The following EIPR1 variants were observed in gnomAD, a reference collection of about 807,000 sequenced individuals.
EIPR1 encodes the protein EARP and GARP complex-interacting protein 1.
A neutral mutation model predicts 48.1 loss-of-function variants in EIPR1; 25 were observed. The ratio of observed to expected loss-of-function variants is 0.52; its 90% CI spans 0.38 to 0.73. The LOEUF (loss-of-function observed/expected upper bound fraction) is 0.73. EIPR1 is among the 30% of genes least tolerant of loss of function. EIPR1 has a pLI of 0.00. For synonymous variants in EIPR1, 204 were observed against 201.9 expected (o/e 1.01, Z -0.09); for missense variants, 415 against 506.2 (o/e 0.82, Z 1.73).
chr2:3,234,104 G>A (rs3860484), intron 4 of EIPR1, among the ~76,000 whole-genome samples: 79,489 of 151,966 alleles, frequency 0.52, 21,347 homozygotes, highest in East Asian at 0.74. Context: ...CAGGGCCACA[G>A]AGTGAGGGCG....
intron 3 of EIPR1, among the ~76,000 whole-genome samples, chr2:3,276,422 A>G (rs1238561389): frequency 5.3e-5 from 8 of 152,218 alleles, no homozygotes; most frequent in Non-Finnish European, 1.2e-4. Context: ...TTCTTATAAC[A>G]TGTAAGAGAT....
intron 4 of EIPR1, among the ~76,000 whole-genome samples, chr2:3,240,946 C>A (rs1426244870): frequency 1.8e-5 from 2 of 108,894 alleles, no homozygotes; most frequent in African/African-American, 6.6e-5. Context: ...CTTCCTAAAG[C>A]AAAGCCAGCA....
At chr2:3,335,831 G>A (rs553226473) in intron 3 of EIPR1, among the ~76,000 whole-genome samples, 256 of 152,254 alleles carry the variant, frequency 1.7e-3, no homozygotes, top group African/African-American at 5.6e-3. Flanking sequence ...GTGATTGTGC[G>A]TTTCCTGAGG....
intron 3 of EIPR1, among the ~76,000 whole-genome samples, chr2:3,330,375 G>A (rs1669849424): frequency 6.6e-6 from 1 of 152,146 alleles, no homozygotes; most frequent in Non-Finnish European, 1.5e-5. Context: ...ACACAAAAGG[G>A]GACACAATGG....
At chr2:3,211,726 C>G (rs144369780) in intron 5 of EIPR1, among the ~76,000 whole-genome samples, 11 of 152,238 alleles carry the variant, frequency 7.2e-5, no homozygotes, top group Admixed American at 2.0e-4. Flanking sequence ...AGCTCCTGCT[C>G]TCCTGCGTGA....
chr2:3,294,161 G>A (rs934819408), intron 3 of EIPR1, among the ~76,000 whole-genome samples: 3 of 152,104 alleles, frequency 2.0e-5, no homozygotes, highest in East Asian at 3.8e-4. Flanking sequence ...GAATCCCACA[G>A]GAGGAATAAT....
chr2:3,204,167 G>T (rs1553279456), intron 5 of EIPR1, among the ~76,000 whole-genome samples: 1 of 152,194 alleles, frequency 6.6e-6, no homozygotes, highest in Non-Finnish European at 1.5e-5. Flanking sequence ...GCGGGCTGTG[G>T]CCCCCCTTAC....
intron 3 of EIPR1, among the ~76,000 whole-genome samples, chr2:3,322,926 C>T (rs1041183304): frequency 6.6e-6 from 1 of 152,210 alleles, no homozygotes; most frequent in Non-Finnish European, 1.5e-5. Flanking sequence ...GGTGATCTGG[C>T]TGGGATGCCT....
At chr2:3,288,336 G>A (rs1364609898) in intron 3 of EIPR1, among the ~76,000 whole-genome samples, 1 of 152,200 alleles carries the variant, frequency 6.6e-6, no homozygotes, top group East Asian at 1.9e-4. Flanking sequence ...AGCAGTTTAG[G>A]AAATTGTCAT....
At chr2:3,249,647 T>C (rs568034761) in intron 4 of EIPR1, among the ~76,000 whole-genome samples, 1 of 152,228 alleles carries the variant, frequency 6.6e-6, no homozygotes, top group East Asian at 1.9e-4. Context: ...AACCAAGCAC[T>C]AATAGTCAAG....
chr2:3,347,177 GA>G (rs1670426303), intron 2 of EIPR1, among the ~76,000 whole-genome samples: 1 of 152,144 alleles, frequency 6.6e-6, no homozygotes, highest in African/African-American at 2.4e-5. Context: ...ATGGCCTGCA[GA>G]ACCATGAAAC....
chr2:3,218,344 T>C (rs1257619697), intron 4 of EIPR1, among the ~76,000 whole-genome samples: 6 of 140,818 alleles, frequency 4.3e-5, no homozygotes, highest in South Asian at 2.4e-4. Flanking sequence ...AACACGGCCC[T>C]GATACACTCT....
At chr2:3,247,974 A>G (rs1572352908) in intron 4 of EIPR1, among the ~76,000 whole-genome samples, 3 of 152,140 alleles carry the variant, frequency 2.0e-5, no homozygotes, top group Admixed American at 2.0e-4. Context: ...AGGGAGCGAC[A>G]TAGTCGAGAT....
chr2:3,194,037 G>A lies in EIPR1; in HGVS notation c.783C>T (p.Val261=), dbSNP rs762292099. The A allele has an allele frequency of 3.1e-6, 5 of 1,613,882 alleles. 1 individual carries two copies. In the South Asian group the frequency reaches 4.4e-5, roughly 14 times the overall value. ...CCTCCAGGGTCTTCACGGGTTCGGTGACATTTCGGGTGTCCCAGAACTTCA... is the reference window on the plus strand; with the variant it reads ...CCTCCAGGGTCTTCACGGGTTCGGTAACATTTCGGGTGTCCCAGAACTTCA... ...CKVKFWDTRN[V]TEPVKTLEEH... is the part of the protein sequence containing the mutation. The change falls in exon 7 of 9, where the codon GTC becomes GTT. Residue 261 remains valine (V), a synonymous_variant. Coordinates refer to ENST00000382125, the MANE Select transcript of EIPR1 (RefSeq NM_003310.5).
At chr2:3,259,093 C>T (rs897060648) in intron 3 of EIPR1, among the ~76,000 whole-genome samples, 1 of 152,112 alleles carries the variant, frequency 6.6e-6, no homozygotes, top group African/African-American at 2.4e-5. Context: ...CACACACTAA[C>T]CCAACAGAGG....
At chr2:3,326,908 G>A (rs201858084) in intron 3 of EIPR1, among the ~76,000 whole-genome samples, 1 of 152,264 alleles carries the variant, frequency 6.6e-6, no homozygotes, top group East Asian at 1.9e-4. Flanking sequence ...CAAAATGGCT[G>A]ATCCCTCAAA....
intron 3 of EIPR1, among the ~76,000 whole-genome samples, chr2:3,333,587 A>T: frequency 6.6e-6 from 1 of 152,008 alleles, no homozygotes. Flanking sequence ...AAATTTTTTT[A>T]AAAATCAGCC....
At position 3,357,834 on chromosome 2, in the gene EIPR1, T is replaced by C. The variant is rs966707624; in HGVS notation, c.43-3201A>G. Among the ~76,000 whole-genome samples, 6 of 152,334 alleles carry C rather than the reference T, an allele frequency of 3.9e-5. No homozygotes were observed. The South Asian group carries it at 8.3e-4, about 21-fold the overall frequency. The stretch of plus-strand genomic sequence containing the variant: ...TTAACAGAGTCCGTGAGCCAAGGAA[T>C]GTGGGTGCCTCTGAAAGTTAAAAAA... On this transcript the variant is annotated intron_variant, in intron 1 of 8. Transcript: ENST00000382125.
chr2:3,279,694 C>T (rs1272568386), intron 3 of EIPR1, among the ~76,000 whole-genome samples: 1 of 152,246 alleles, frequency 6.6e-6, no homozygotes, highest in Admixed American at 6.5e-5. Flanking sequence ...TGCCCAGGCA[C>T]GAGGGTCGGG....
Sources: allele counts gnomAD v4.1 joint callset (sites outside exome capture counted in the v4.1 genomes callset), GRCh38; gene constraint gnomAD v4.1.1; transcripts MANE v1.5; gene names NCBI Gene and HGNC (gene_info 2026-07-23, HGNC 2026-07-21).